Variants in CARS2 observed in about 807,000 individuals in gnomAD.
CARS2 encodes probable cysteine--tRNA ligase, mitochondrial.
Under a neutral mutation model 68.8 loss-of-function variants are expected in CARS2, and 52 were observed. The ratio of observed to expected loss-of-function variants is 0.76; its 90% CI spans 0.61 to 0.95. CARS2 has a LOEUF of 0.95. Among genes scored for constraint, CARS2 ranks in the 40% least tolerant of loss-of-function variants. CARS2 has a pLI of 0.00. For missense variants in CARS2, 780 were observed against 754.2 expected (o/e 1.03, Z -0.40); for synonymous variants, 314 against 303.6 (o/e 1.03, Z -0.36).
intron 9 of CARS2, among the ~76,000 whole-genome samples, chr13:110,662,034 T>C (rs528034337): frequency 2.0e-4 from 31 of 152,368 alleles, no homozygotes; most frequent in African/African-American, 7.5e-4. Context: ...GAGAACATGC[T>C]GTTGGCAAAA....
At chr13:110,656,681 A>G (rs113714548) in intron 9 of CARS2, among the ~76,000 whole-genome samples, 1 of 152,132 alleles carries the variant, frequency 6.6e-6, no homozygotes, top group South Asian at 2.1e-4. Flanking sequence ...TCAGGAGATC[A>G]AGACCATCCT....
rs987635867 is a variant in CARS2 at position 110,662,243 on chromosome 13, G to A, written c.987+1208C>T. On this transcript the variant is annotated intron_variant, in intron 9 of 14. Coordinates refer to ENST00000257347, the MANE Select transcript of CARS2 (RefSeq NM_024537.4). The stretch of plus-strand genomic sequence containing the variant: ...GTCATGCAACCCCACGGCCGGGTTC[G>A]GACCTCTCTCTGCGTCATGCAACCC... 3.1e-5 allele frequency among the ~76,000 whole-genome samples: 3 copies of A among 96,470 alleles called. No individual in the cohort carries two copies. In the East Asian group the frequency reaches 8.2e-4, roughly 26 times the overall value. The allele number at this position is 96,470 out of a possible 152,430, so 63.3% of individuals were successfully genotyped here. A position where few individuals can be genotyped will look rare whatever the true frequency, so the allele number is the denominator to read the frequency against.
intron 5 of CARS2, among the ~76,000 whole-genome samples, chr13:110,686,182 T>G (rs2063300057): frequency 6.6e-6 from 1 of 151,912 alleles, no homozygotes; most frequent in Non-Finnish European, 1.5e-5. Context: ...TGGACTCCTT[T>G]TATGCAGAGA....
chr13:110,659,902 T>C (rs1417204511), intron 9 of CARS2, among the ~76,000 whole-genome samples: 2 of 152,202 alleles, frequency 1.3e-5, no homozygotes, highest in African/African-American at 2.4e-5. Flanking sequence ...GTGCCATCAA[T>C]TGACTCTTCC....
exon 1 of CARS2, chr13:110,713,518 A>AAC: frequency 1.0e-6 from 1 of 986,454 alleles, no homozygotes; most frequent in Non-Finnish European, 1.2e-6. Flanking sequence ...GCCTCTGGAA[A>AAC]AAGTGACAGG....
In CARS2 at chr13:110,644,341, T is replaced by C. The variant is rs754389757; in HGVS notation, c.1416+44A>G. On this transcript the variant is annotated intron_variant, in intron 13 of 14. Coordinates refer to ENST00000257347, the MANE Select transcript of CARS2 (RefSeq NM_024537.4). Reference sequence around the variant, plus strand: ...AAGGGTAAAGGTTATTGTCCCAACATGGAGAAAATTCCAGAATTAAGCATT... The same window carrying C: ...AAGGGTAAAGGTTATTGTCCCAACACGGAGAAAATTCCAGAATTAAGCATT... 5.1e-6 allele frequency: 8 copies of C among 1,561,666 alleles called. No homozygotes were observed. The Admixed American group carries it at 1.2e-4, about 23-fold the overall frequency.
rs1434223354 is a variant in CARS2, at chr13:110,647,259, C to T, written c.1055-20G>A. 6 of 1,607,770 alleles carry T rather than the reference C, an allele frequency of 3.7e-6. No homozygotes were observed. Among genetic ancestry groups the T allele is most frequent in the Non-Finnish European group, 4.3e-6 (5 of 1,176,290 alleles). Reference sequence around the variant, plus strand: ...CGATGGCTGAGGAGGAAGAGATGGTCACTGAGGCGGTGCCCACCATGCTGT... The same window carrying T: ...CGATGGCTGAGGAGGAAGAGATGGTTACTGAGGCGGTGCCCACCATGCTGT... On this transcript the variant is annotated intron_variant, in intron 10 of 14. Transcript: ENST00000257347.
At chr13:110,645,182 C>T (rs1170601856) in intron 12 of CARS2, 1 of 152,574 alleles carries the variant, frequency 6.6e-6, no homozygotes, top group African/African-American at 2.4e-5. Context: ...AATGCCCGCC[C>T]CCCTCAGAGG....
chr13:110,683,832 C>T (rs2063220951), intron 5 of CARS2, among the ~76,000 whole-genome samples: 1 of 152,186 alleles, frequency 6.6e-6, no homozygotes, highest in Non-Finnish European at 1.5e-5. Flanking sequence ...GCCTGGGCAA[C>T]ATAGTGAGAC....
At chr13:110,671,985 T>C (rs2062816022) in intron 7 of CARS2, among the ~76,000 whole-genome samples, 1 of 152,038 alleles carries the variant, frequency 6.6e-6, no homozygotes, top group Non-Finnish European at 1.5e-5. Flanking sequence ...TACATAATGG[T>C]AAAGGGATCA....
At chr13:110,691,708 A>T (rs1242962485) in intron 3 of CARS2, among the ~76,000 whole-genome samples, 2 of 152,170 alleles carry the variant, frequency 1.3e-5, no homozygotes, top group Admixed American at 6.5e-5. Context: ...ATTGATTATC[A>T]GGGCTGTTTC....
At position 110,676,869 on chromosome 13, in the gene CARS2, G is replaced by T; in HGVS notation, c.785+105C>A. 7.3e-7 allele frequency: 1 copy of T among 1,363,772 alleles called. No homozygotes were observed. Among genetic ancestry groups the T allele is most frequent in the Non-Finnish European group, 9.6e-7 (1 of 1,037,612 alleles). 84.5% of individuals were successfully genotyped at this position (1,363,772 alleles called of 1,614,324 possible). A position where few individuals can be genotyped will look rare whatever the true frequency, so the allele number is the denominator to read the frequency against. On this transcript the variant is annotated intron_variant, in intron 7 of 14. Coordinates refer to ENST00000257347, the MANE Select transcript of CARS2 (RefSeq NM_024537.4). This position sits in a 1 kb window ranked among gnomAD's most constrained non-coding sequence, Gnocchi z 4.0. ...TCTCTTCCCAAAAAATCACCCATGG[G>T]CACACGTGCCAGGCTGCACCTGCTC...
upstream of CARS2, chr13:110,706,184 C>T: frequency 3.1e-6 from 3 of 962,504 alleles, no homozygotes; most frequent in South Asian, 9.0e-5. Flanking sequence ...CCGCCCCGCC[C>T]CGCCCACGCC....
At position 110,670,180 on chromosome 13, in the gene CARS2, C is replaced by T. The variant is rs1440559678; in HGVS notation, c.786-2707G>A. Among the ~76,000 whole-genome samples the T allele has an allele frequency of 2.6e-5, 4 of 152,226 alleles. No individual in the cohort carries two copies. Among genetic ancestry groups the T allele is most frequent in the African/African-American group, 7.2e-5 (3 of 41,462 alleles). ...CAGCAGAAACTTCTGCAGACTTAAA[C>T]GTTCCTGACTGACAGCTTTGAAGAG... On this transcript the variant is annotated intron_variant, in intron 7 of 14. Transcript: ENST00000257347. The surrounding 1 kb of genome is among the most constrained non-coding windows in gnomAD (Gnocchi z 4.1).
At chr13:110,646,348 T>C in intron 11 of CARS2, 1 of 348,246 alleles carries the variant, frequency 2.9e-6, no homozygotes, top group Non-Finnish European at 5.1e-6. Flanking sequence ...ACGTGGGCAT[T>C]TTCATGATGG....
chr13:110,642,982 G>A (rs543527076), intron 13 of CARS2: 38 of 363,638 alleles, frequency 1.0e-4, no homozygotes, highest in Admixed American at 2.6e-4. Flanking sequence ...AGAAGGCCTC[G>A]CGCTGTCCTC....
chr13:110,653,060 G>A lies in CARS2; in HGVS notation c.988-1960C>T, dbSNP rs1208962991. Among the ~76,000 whole-genome samples the A allele has an allele frequency of 6.6e-6, 1 of 152,006 alleles. No homozygotes were observed. The highest frequency in any genetic ancestry group is 1.5e-5 in the Non-Finnish European group (1 of 68,018). ...AACCGCTGAGTCAAGCAGAGCCCCCGCTCCTCTACTTCAGTATCATCAACG... is the reference window on the plus strand; with the variant it reads ...AACCGCTGAGTCAAGCAGAGCCCCCACTCCTCTACTTCAGTATCATCAACG... On this transcript the variant is annotated intron_variant, in intron 9 of 14. Coordinates refer to ENST00000257347, the MANE Select transcript of CARS2 (RefSeq NM_024537.4). The surrounding 1 kb of genome is among the most constrained non-coding windows in gnomAD (Gnocchi z 5.6).
At chr13:110,697,931 T>A (rs951293343) in intron 3 of CARS2, 2 of 454,760 alleles carry the variant, frequency 4.4e-6, no homozygotes, top group African/African-American at 2.0e-5. Flanking sequence ...AGTGAAAATG[T>A]TCCTCAAGGA....
chr13:110,703,681 G>A (rs2063857176), intron 2 of CARS2, among the ~76,000 whole-genome samples: 1 of 152,100 alleles, frequency 6.6e-6, no homozygotes, highest in Middle Eastern at 3.2e-3. Context: ...AAACCTCTTG[G>A]CAGTTTTACA....
Sources: gnomAD v4.1 joint callset for allele counts (sites outside exome capture counted in the v4.1 genomes callset) on GRCh38, gnomAD v4.1.1 for gene constraint, Gnocchi (gnomAD v3.1) non-coding constraint, MANE v1.5 for transcripts, NCBI Gene and HGNC (gene_info 2026-07-23, HGNC 2026-07-21) for gene names.